PDE11A: variants seen among roughly 807,000 people sequenced by gnomAD.
PDE11A encodes dual 3',5'-cyclic-AMP and -GMP phosphodiesterase 11A.
PDE11A carries 100 observed loss-of-function variants against 100.5 expected under a neutral mutation model. That is an observed-to-expected ratio of 1.00 (90% CI 0.85 to 1.18). The LOEUF (loss-of-function observed/expected upper bound fraction) is 1.18. PDE11A is among the 50% of genes most tolerant of loss of function. The probability of loss-of-function intolerance (pLI) is 0.00; values close to 1 mark genes in which losing one functional copy is unlikely to be tolerated. For synonymous variants in PDE11A, 381 were observed against 420.8 expected, an observed-to-expected ratio of 0.91 and a Z score of 1.16; for missense variants, 1,141 against 1,152.6, an observed-to-expected ratio of 0.99 and a Z score of 0.15.
intron 9 of PDE11A, among the ~76,000 whole-genome samples, chr2:177,809,493 A>G (rs1180733133): frequency 2.6e-5 from 4 of 152,172 alleles, no homozygotes; most frequent in Non-Finnish European, 5.9e-5. Flanking sequence ...TATCTGAAGA[A>G]TTTATAAAAG....
Position 177,783,719 on chromosome 2 carries a change from C to G in PDE11A, c.1738-14346G>C, listed in dbSNP as rs566023858. ...CACAAAAACGCCTCTTATTGAAAATCTGTTTGGCTTTGTATTTCAGACAAA... is the reference window on the plus strand; with the variant it reads ...CACAAAAACGCCTCTTATTGAAAATGTGTTTGGCTTTGTATTTCAGACAAA... On this transcript the variant is annotated intron_variant, in intron 9 of 19. Transcript: ENST00000286063. 3.3e-5 allele frequency among the ~76,000 whole-genome samples: 5 copies of G among 152,284 alleles called. No individual in the cohort carries two copies. The East Asian group carries it at 9.7e-4, about 29-fold the overall frequency.
chr2:177,736,681 G>A (rs1346317552), intron 10 of PDE11A, among the ~76,000 whole-genome samples: 1 of 152,142 alleles, frequency 6.6e-6, no homozygotes, highest in Non-Finnish European at 1.5e-5. Flanking sequence ...GGACCCCCAT[G>A]GAGGCAAAGG....
chr2:177,675,300 GTGCCTAAGCCTCC>G (rs1001085399), intron 17 of PDE11A, among the ~76,000 whole-genome samples, 142 bp downstream of exon 17: 1 of 148,514 alleles, frequency 6.7e-6, no homozygotes, highest in African/African-American at 2.5e-5. Flanking sequence ...AAACTGTGTC[GTGCCTAAGCCTCC>G]TGCTATTTTT....
At chr2:177,871,312 C>T (rs2084126780) in intron 5 of PDE11A, among the ~76,000 whole-genome samples, 2 of 152,092 alleles carry the variant, frequency 1.3e-5, no homozygotes, top group South Asian at 4.2e-4. Flanking sequence ...CATTTCTGCA[C>T]AAATGACCCA....
intron 2 of PDE11A, among the ~76,000 whole-genome samples, chr2:178,079,801 G>T (rs1315481159): frequency 6.6e-6 from 1 of 152,100 alleles, no homozygotes; most frequent in Non-Finnish European, 1.5e-5. Flanking sequence ...GCTAGCATAT[G>T]TTGTTTCTTG....
At chr2:177,914,676 A>C (rs949642906) in intron 2 of PDE11A, among the ~76,000 whole-genome samples, 2 of 152,208 alleles carry the variant, frequency 1.3e-5, no homozygotes, top group African/African-American at 4.8e-5. Context: ...CAAGGTGTCA[A>C]GGTATCAACA....
intron 5 of PDE11A, among the ~76,000 whole-genome samples, chr2:177,873,887 T>C (rs1309753140): frequency 6.6e-6 from 1 of 152,196 alleles, no homozygotes; most frequent in Admixed American, 6.5e-5. Flanking sequence ...AAAAATCAAA[T>C]TACTCTTGAG....
chr2:177,835,432 C>T (rs60097472), intron 6 of PDE11A, among the ~76,000 whole-genome samples: 14,688 of 152,234 alleles, frequency 0.096, 735 homozygotes, highest in Middle Eastern at 0.14. Flanking sequence ...CCCTCGGATG[C>T]ATCCTCCAAA....
chr2:177,979,496 C>G (rs2085852607), intron 2 of PDE11A, among the ~76,000 whole-genome samples: 1 of 150,312 alleles, frequency 6.7e-6, no homozygotes, highest in African/African-American at 2.4e-5. Context: ...ACATGGAACA[C>G]CTACAAAGAG....
intron 19 of PDE11A, among the ~76,000 whole-genome samples, chr2:177,631,868 A>C (rs2079955644): frequency 1.3e-5 from 2 of 151,932 alleles, no homozygotes; most frequent in South Asian, 4.1e-4. Context: ...ACACATTGCC[A>C]GCTGCTCTGC....
intron 2 of PDE11A, among the ~76,000 whole-genome samples, chr2:178,098,183 A>G (rs2087519018): frequency 6.6e-6 from 1 of 152,262 alleles, no homozygotes; most frequent in Non-Finnish European, 1.5e-5. Flanking sequence ...CAATCATTTT[A>G]CAACCAAATT....
chr2:177,806,242 CAA>C (rs2082869348), intron 9 of PDE11A, among the ~76,000 whole-genome samples: 2 of 109,736 alleles, frequency 1.8e-5, no homozygotes, highest in Non-Finnish European at 3.7e-5. Flanking sequence ...GAGTTGATGC[CAA>C]AGAGAACTGA....
chr2:177,666,704 G>A (rs2080591369), intron 18 of PDE11A, among the ~76,000 whole-genome samples: 1 of 146,744 alleles, frequency 6.8e-6, no homozygotes, highest in Non-Finnish European at 1.5e-5. Flanking sequence ...TTTCTTTGGA[G>A]ATATGTCTGT....
chr2:177,988,643 T>C (rs1197835249), intron 2 of PDE11A, among the ~76,000 whole-genome samples: 1 of 152,200 alleles, frequency 6.6e-6, no homozygotes, highest in Non-Finnish European at 1.5e-5. Flanking sequence ...CTGGGCTCTA[T>C]AAATTACGTA....
chr2:177,666,936 T>TATTTATTTATTC (rs1559134308), intron 18 of PDE11A, among the ~76,000 whole-genome samples: 1 of 151,600 alleles, frequency 6.6e-6, no homozygotes, highest in African/African-American at 2.4e-5. Context: ...TTTATTTATT[T>TATTTATTTATTC]TGAGAGAGTC....
chr2:177,914,396 G>T (rs1339560879), intron 2 of PDE11A, among the ~76,000 whole-genome samples: 3 of 152,032 alleles, frequency 2.0e-5, no homozygotes, highest in Non-Finnish European at 4.4e-5. Context: ...CATAAACTTG[G>T]CCTACTCTCT....
rs528506008 is a variant in PDE11A at position 177,973,111 on chromosome 2, G to C, written c.1071+41191C>G. Among the ~76,000 whole-genome samples the C allele has an allele frequency of 7.9e-5, 12 of 151,756 alleles. No homozygotes were observed. The East Asian group carries it at 2.0e-3, about 25-fold the overall frequency. On this transcript the variant is annotated intron_variant, in intron 2 of 19. Coordinates refer to ENST00000286063, the MANE Select transcript of PDE11A (RefSeq NM_016953.4). ...AAGATGGCCGAATAGGAACAGCTCC[G>C]GTCTACAGCTCCCAGCGTGAGCGAC...
chr2:177,688,461 A>G (rs2080990636), intron 15 of PDE11A: 1 of 152,248 alleles, frequency 6.6e-6, no homozygotes, highest in Non-Finnish European at 1.5e-5. Flanking sequence ...CATATGTGAA[A>G]CTGTTAGAAA....
chr2:178,104,523 G>T, intron 1 of PDE11A: 2 of 1,485,842 alleles, frequency 1.3e-6, no homozygotes, highest in South Asian at 1.2e-5. Context: ...ATATATATTA[G>T]ATTTTCAAAG....
Sources: allele counts gnomAD v4.1 joint callset (sites outside exome capture counted in the v4.1 genomes callset), GRCh38; gene constraint gnomAD v4.1.1; transcripts MANE v1.5; gene names NCBI Gene and HGNC (gene_info 2026-07-23, HGNC 2026-07-21).